IGFBP1: variants seen among roughly 807,000 people sequenced by gnomAD.
IGFBP1 encodes the protein insulin-like growth factor-binding protein 1.
Under a neutral mutation model 23.1 loss-of-function variants are expected in IGFBP1, and 31 were observed. The observed-to-expected ratio is 1.34, with a 90% confidence interval of 1.01 to 1.81. The LOEUF is 1.81. Among genes scored for constraint, IGFBP1 ranks in the 40% most tolerant of loss-of-function variants. The probability of loss-of-function intolerance (pLI) is 0.00; values close to 1 mark genes in which losing one functional copy is unlikely to be tolerated. For missense variants in IGFBP1, 333 were observed against 342.2 expected (o/e 0.97, Z 0.21); for synonymous variants, 148 against 145.5 (o/e 1.02, Z -0.13).
chr7:45,892,200 C>T, intron 3 of IGFBP1, 140 bp downstream of exon 3: 1 of 828,036 alleles, frequency 1.2e-6, no homozygotes, highest in South Asian at 1.8e-5. Flanking sequence ...CAGATCCACC[C>T]CTCTGGGAAC....
chr7:45,891,938 T>C lies in IGFBP1; in HGVS notation c.526T>C (p.Cys176Arg). 1 of 1,611,996 alleles carries C rather than the reference T, an allele frequency of 6.2e-7. No individual in the cohort carries two copies. Among genetic ancestry groups the C allele is most frequent in the East Asian group, 2.2e-5 (1 of 44,822 alleles). ...VTNIKKWKEP[C>R]RIELYRVVES... ...TGTCAAGTTATTCTCTTAGGAGCCC[T>C]GCCGAATAGAACTCTACAGAGTCGT... The change falls in exon 3 of 4, where the codon TGC becomes CGC. Residue 176 changes from cysteine to arginine, a missense_variant. Physicochemically the swap from Cys to Arg is radical, Grantham distance 180 (BLOSUM62 -3). Transcript: ENST00000275525.
At chr7:45,890,773 T>G in intron 2 of IGFBP1, 56 bp downstream of exon 2, 1 of 1,487,518 alleles carries the variant, frequency 6.7e-7, no homozygotes, top group Non-Finnish European at 9.1e-7. Flanking sequence ...GTAGCTTGAG[T>G]CGGCTGTGAC....
Position 45,890,715 on chromosome 7 carries a change from A to T in IGFBP1, c.517A>T (p.Lys173Ter). 6.2e-7 allele frequency: 1 copy of T among 1,600,138 alleles called. No homozygotes were observed. Among genetic ancestry groups the T allele is most frequent in the Non-Finnish European group, 8.5e-7 (1 of 1,173,710 alleles). Residue 173 changes from lysine to a stop codon, truncating the protein, a stop_gained and splice_region_variant, in exon 2 of 4, where the codon AAG becomes TAG. Coordinates refer to ENST00000275525, the MANE Select transcript of IGFBP1 (RefSeq NM_000596.4). LOFTEE classifies it high-confidence loss of function. The part of the protein sequence containing the change: ...ALHVTNIKKW[K>*]EPCRIELYRV... ...CCATGTCACCAACATCAAAAAATGG[A>T]AGGTGAGGCCCAGCAGGTGGGTGGT...
Position 45,888,965 on chromosome 7 carries a change from G to C in IGFBP1, c.313G>C (p.Val105Leu). ...CCTCACCCGCGGCCAAGGCGCCTGC[G>C]TGCAGGAGTCTGACGCCTCCGCTCC... ...HALTRGQGAC[V>L]QESDASAPHA... The change falls in exon 1 of 4, where the codon GTG (valine) becomes CTG (leucine). Residue 105 changes from valine (V) to leucine (L), a missense_variant. Physicochemically the swap from Val to Leu is conservative, Grantham distance 32. Coordinates refer to ENST00000275525, the MANE Select transcript of IGFBP1 (RefSeq NM_000596.4). 1 of 1,521,064 alleles carries C rather than the reference G, an allele frequency of 6.6e-7. No homozygotes were observed. The highest frequency in any genetic ancestry group is 8.8e-7 in the Non-Finnish European group (1 of 1,141,446). 94.2% of individuals were successfully genotyped at this position (1,521,064 alleles called of 1,614,324 possible). A position where few individuals can be genotyped will look rare whatever the true frequency, so the allele number is the denominator to read the frequency against.
In IGFBP1 at chr7:45,888,625, G is replaced by C. The variant is rs200116651; in HGVS notation, c.-28G>C. ...CGCCGCCACCAGCCCAGAGAGCATC[G>C]GCCCCTGTCTGCTGCTCGCGCCTGG... On this transcript the variant is annotated 5_prime_UTR_variant, in exon 1 of 4. Transcript: ENST00000275525. 1.0e-4 allele frequency: 158 copies of C among 1,566,536 alleles called. 1 individual carries two copies. Among genetic ancestry groups the C allele is most frequent in the Admixed American group, 9.8e-4 (56 of 57,406 alleles).
In IGFBP1 at chr7:45,888,820, C is replaced by T; in HGVS notation, c.168C>T (p.Gly56=). The change falls in exon 1 of 4, where the codon GGC becomes GGT. Residue 56 remains glycine (G), a synonymous_variant. Coordinates refer to ENST00000275525, the MANE Select transcript of IGFBP1 (RefSeq NM_000596.4). The part of the protein sequence containing the change: ...ASCSEVTRSA[G]CGCCPMCALP... ...GCTCGGAGGTCACCCGGTCCGCCGG[C>T]TGCGGCTGTTGCCCGATGTGCGCCC... is the stretch of plus-strand genomic sequence containing the variant. 1 of 1,555,742 alleles carries T rather than the reference C, an allele frequency of 6.4e-7. No individual in the cohort carries two copies. Among genetic ancestry groups the T allele is most frequent in the South Asian group, 1.2e-5 (1 of 86,390 alleles).
At chr7:45,892,491 A>G (rs567523220) in intron 3 of IGFBP1, among the ~76,000 whole-genome samples, 5 of 152,250 alleles carry the variant, frequency 3.3e-5, no homozygotes, top group African/African-American at 1.2e-4. Context: ...AAACACAACA[A>G]CATTTTTGTG....
At chr7:45,892,484 CACA>C (rs1222295484) in intron 3 of IGFBP1, among the ~76,000 whole-genome samples, 1 of 152,188 alleles carries the variant, frequency 6.6e-6, no homozygotes, top group East Asian at 1.9e-4. Flanking sequence ...TCTAATAAAA[CACA>C]ACAACATTTT....
chr7:45,893,018 G>A lies in IGFBP1; in HGVS notation c.707G>A (p.Gly236Glu). 6.2e-7 allele frequency: 1 copy of A among 1,612,954 alleles called. No individual in the cohort carries two copies. Among genetic ancestry groups the A allele is most frequent in the Non-Finnish European group, 8.5e-7 (1 of 1,179,044 alleles). Residue 236 changes from glycine (G) to glutamate (E), a missense_variant, in exon 4 of 4, where the codon GGG (glycine) becomes GAG (glutamate). Physicochemically the swap from Gly to Glu is moderately conservative, Grantham distance 98. Transcript: ENST00000275525. ...GLCWCVYPWN[G>E]KRIPGSPEIR... ...TGCTGGTGCGTCTACCCTTGGAATG[G>A]GAAGAGGATCCCTGGGTCTCCAGAG...
Position 45,890,676 on chromosome 7 carries a change from G to A in IGFBP1, c.478G>A (p.Gly160Ser). 6.2e-7 allele frequency: 1 copy of A among 1,611,288 alleles called. No homozygotes were observed. The highest frequency in any genetic ancestry group is 8.5e-7 in the Non-Finnish European group (1 of 1,178,924). The change falls in exon 2 of 4, where the codon GGC becomes AGC. Residue 160 changes from glycine (G) to serine (S), a missense_variant. Gly to Ser is a moderately conservative substitution (Grantham distance 56, BLOSUM62 0). Coordinates refer to ENST00000275525, the MANE Select transcript of IGFBP1 (RefSeq NM_000596.4). Reference sequence around the variant, plus strand: ...TTGGGACGCCATCAGTACCTATGATGGCTCGAAGGCTCTCCATGTCACCAA... The same window carrying A: ...TTGGGACGCCATCAGTACCTATGATAGCTCGAAGGCTCTCCATGTCACCAA... Reference protein sequence around the residue: ...ILWDAISTYDGSKALHVTNIK... With the variant: ...ILWDAISTYDSSKALHVTNIK...
chr7:45,890,549 G>C lies in IGFBP1; in HGVS notation c.351G>C (p.Glu117Asp). Reference sequence around the variant, plus strand: ...GGGTCTGCAATGTTTCCTTTCCAGAGGCAGGGAGCCCTGAAAGCCCAGAGA... The same window carrying C: ...GGGTCTGCAATGTTTCCTTTCCAGACGCAGGGAGCCCTGAAAGCCCAGAGA... ...ESDASAPHAA[E>D]AGSPESPEST... is the part of the protein sequence containing the mutation. The change falls in exon 2 of 4, where the codon GAG becomes GAC. Residue 117 changes from glutamate (E) to aspartate (D), a missense_variant and splice_region_variant. Glu to Asp is a conservative substitution (Grantham distance 45, BLOSUM62 2). Coordinates refer to ENST00000275525, the MANE Select transcript of IGFBP1 (RefSeq NM_000596.4). The C allele has an allele frequency of 6.2e-7, 1 of 1,607,246 alleles. No individual in the cohort carries two copies. Among genetic ancestry groups the C allele is most frequent in the Non-Finnish European group, 8.5e-7 (1 of 1,177,270 alleles).
intron 1 of IGFBP1, among the ~76,000 whole-genome samples, chr7:45,890,111 G>C (rs894265897): frequency 3.9e-5 from 6 of 152,188 alleles, no homozygotes; most frequent in Non-Finnish European, 8.8e-5. Flanking sequence ...TCCACTTCTA[G>C]ATGAACTGTA....
chr7:45,888,754 C>T lies in IGFBP1; in HGVS notation c.102C>T (p.Ser34=). Residue 34 remains serine (S), a synonymous_variant, in exon 1 of 4, where the codon TCC becomes TCT. Coordinates refer to ENST00000275525, the MANE Select transcript of IGFBP1 (RefSeq NM_000596.4). The part of the protein sequence containing the change: ...AGAPWQCAPC[S]AEKLALCPPV... ...CTCCGTGGCAGTGCGCGCCCTGCTC[C>T]GCCGAGAAGCTCGCGCTCTGCCCGC... The T allele has an allele frequency of 1.9e-6, 3 of 1,583,966 alleles. No individual in the cohort carries two copies. Among genetic ancestry groups the T allele is most frequent in the Admixed American group, 3.5e-5 (2 of 57,878 alleles).
intron 1 of IGFBP1, among the ~76,000 whole-genome samples, chr7:45,889,283 C>T (rs1308932294): frequency 6.6e-6 from 1 of 152,168 alleles, no homozygotes; most frequent in African/African-American, 2.4e-5. Flanking sequence ...CCCACTTGGC[C>T]CTCGTAGCCC....
In IGFBP1 at chr7:45,888,858, C is replaced by T; in HGVS notation, c.206C>T (p.Ala69Val). 6.6e-7 allele frequency: 1 copy of T among 1,514,506 alleles called. No homozygotes were observed. The highest frequency in any genetic ancestry group is 2.6e-5 in the East Asian group (1 of 38,106). 93.8% of individuals were successfully genotyped at this position (1,514,506 alleles called of 1,614,324 possible). A position where few individuals can be genotyped will look rare whatever the true frequency, so the allele number is the denominator to read the frequency against. ...CCGATGTGCGCCCTGCCTCTGGGCG[C>T]CGCGTGCGGCGTGGCGACTGCACGC... ...CCPMCALPLG[A>V]ACGVATARCA... is the part of the protein sequence containing the mutation. Residue 69 changes from alanine to valine, a missense_variant, in exon 1 of 4, where the codon GCC becomes GTC. Coordinates refer to ENST00000275525, the MANE Select transcript of IGFBP1 (RefSeq NM_000596.4).
rs1787122539 is a variant in IGFBP1, at chr7:45,893,444, A to G, written c.*353A>G. ...CTGCCTAGAAAATGCAAAATGAAATAAGAGAGAGTAGTTTTTCAGCTAGTT... is the reference window on the plus strand; with the variant it reads ...CTGCCTAGAAAATGCAAAATGAAATGAGAGAGAGTAGTTTTTCAGCTAGTT... On this transcript the variant is annotated 3_prime_UTR_variant, in exon 4 of 4. Coordinates refer to ENST00000275525, the MANE Select transcript of IGFBP1 (RefSeq NM_000596.4). 6.6e-6 allele frequency: 1 copy of G among 152,600 alleles called. No individual in the cohort carries two copies. The highest frequency in any genetic ancestry group is 1.5e-5 in the Non-Finnish European group (1 of 68,360). 9.5% of individuals were successfully genotyped at this position (152,600 alleles called of 1,614,324 possible). A position where few individuals can be genotyped will look rare whatever the true frequency, so the allele number is the denominator to read the frequency against.
chr7:45,890,488 G>A, intron 1 of IGFBP1, 60 bp from the exon 2 acceptor site: 1 of 1,517,994 alleles, frequency 6.6e-7, no homozygotes, highest in East Asian at 2.4e-5. Context: ...ATCTCCTGGG[G>A]GCCCGAAAGG....
In IGFBP1 at chr7:45,888,879, C is replaced by T. The variant is rs1562794950; in HGVS notation, c.227C>T (p.Ala76Val). 3 of 1,505,184 alleles carry T rather than the reference C, an allele frequency of 2.0e-6. No individual in the cohort carries two copies. The highest frequency in any genetic ancestry group is 2.6e-6 in the Non-Finnish European group (3 of 1,137,588). 93.2% of individuals were successfully genotyped at this position (1,505,184 alleles called of 1,614,324 possible). A position where few individuals can be genotyped will look rare whatever the true frequency, so the allele number is the denominator to read the frequency against. ...GGCGCCGCGTGCGGCGTGGCGACTGCACGCTGCGCCCGGGGACTCAGTTGC... is the reference window on the plus strand; with the variant it reads ...GGCGCCGCGTGCGGCGTGGCGACTGTACGCTGCGCCCGGGGACTCAGTTGC... Reference protein sequence around the residue: ...PLGAACGVATARCARGLSCRA... With the variant: ...PLGAACGVATVRCARGLSCRA... Residue 76 changes from alanine to valine, a missense_variant, in exon 1 of 4, where the codon GCA becomes GTA. By Grantham distance (64) the Ala-to-Val change is moderately conservative (BLOSUM62 0). Transcript: ENST00000275525.
Position 45,893,184 on chromosome 7 carries a change from GTA to G in IGFBP1, c.*104_*105del, listed in dbSNP as rs9658228. The G allele has an allele frequency of 9.0e-4, 485 of 539,520 alleles. 1 individual carries two copies. The highest frequency in any genetic ancestry group is 3.7e-3 in the African/African-American group (187 of 50,672). 33.4% of individuals were successfully genotyped at this position (539,520 alleles called of 1,614,324 possible). A position where few individuals can be genotyped will look rare whatever the true frequency, so the allele number is the denominator to read the frequency against. On this transcript the variant is annotated 3_prime_UTR_variant, in exon 4 of 4. Transcript: ENST00000275525. The stretch of plus-strand genomic sequence containing the variant: ...TGCACATTTATATATATATGTATAT[GTA>G]TATATATATAGTAACTACTTTTTAT...
Sources: allele counts gnomAD v4.1 joint callset (sites outside exome capture counted in the v4.1 genomes callset), GRCh38; gene constraint gnomAD v4.1.1; transcripts MANE v1.5; gene names NCBI Gene and HGNC (gene_info 2026-07-23, HGNC 2026-07-21).